NAALADL2: variants seen among roughly 807,000 people sequenced by gnomAD.
NAALADL2 encodes inactive N-acetylated-alpha-linked acidic dipeptidase-like protein 2.
In NAALADL2, 76 loss-of-function variants were observed where a neutral mutation model predicts 87.2. That is an observed-to-expected ratio of 0.87 (90% CI 0.72 to 1.05). The LOEUF (loss-of-function observed/expected upper bound fraction) is 1.05, where lower values mean the gene tolerates loss of function less well. Ranked by LOEUF, NAALADL2 falls within the 50% of genes least tolerant of loss-of-function variation. The pLI, the probability that NAALADL2 is intolerant of heterozygous loss-of-function variation, is 0.00. For missense variants in NAALADL2, 1,089 were observed against 945.8 expected (o/e 1.15, Z -1.99); for synonymous variants, 354 against 331.0 (o/e 1.07, Z -0.75).
chr3:175,299,080 T>C (rs1458111820), intron 4 of NAALADL2, among the ~76,000 whole-genome samples: 1 of 152,144 alleles, frequency 6.6e-6, no homozygotes, highest in African/African-American at 2.4e-5. Context: ...CAAATGGTTG[T>C]AGATGTGGTG....
chr3:175,662,881 A>C (rs1476615842), intron 11 of NAALADL2, among the ~76,000 whole-genome samples: 1 of 151,838 alleles, frequency 6.6e-6, no homozygotes, highest in African/African-American at 2.4e-5. Flanking sequence ...GTGTTGTTGA[A>C]TTCAATTTGC....
At chr3:175,031,781 T>C (rs1580115307) in intron 1 of NAALADL2, among the ~76,000 whole-genome samples, 2 of 152,160 alleles carry the variant, frequency 1.3e-5, no homozygotes. Context: ...CTGACATCTG[T>C]TATTTTTTAC....
chr3:174,733,938 G>C (rs900262241), intron 2 of NAALADL2, among the ~76,000 whole-genome samples: 1 of 152,108 alleles, frequency 6.6e-6, no homozygotes, highest in African/African-American at 2.4e-5. Context: ...GAGAGGCCTG[G>C]TGGGGGGTCC....
intron 1 of NAALADL2, among the ~76,000 whole-genome samples, chr3:174,967,134 G>A (rs16866448): frequency 0.021 from 3,249 of 152,094 alleles, 87 homozygotes; most frequent in East Asian, 0.15. Flanking sequence ...CTAATAAATC[G>A]GAATGCCTGA....
intron 2 of NAALADL2, among the ~76,000 whole-genome samples, chr3:175,185,985 T>C (rs1737275485): frequency 6.6e-6 from 1 of 152,006 alleles, no homozygotes; most frequent in South Asian, 2.1e-4. Context: ...AATTTCAGTA[T>C]CAAATTTTGG....
At chr3:175,786,956 T>C (rs529782291) in intron 13 of NAALADL2, among the ~76,000 whole-genome samples, 10 of 152,150 alleles carry the variant, frequency 6.6e-5, no homozygotes, top group African/African-American at 2.4e-4. Flanking sequence ...TGCAGGTCTG[T>C]TGGAATACCC....
chr3:174,486,699 C>T (rs536705388), intron 1 of NAALADL2, among the ~76,000 whole-genome samples: 1 of 152,130 alleles, frequency 6.6e-6, no homozygotes, highest in South Asian at 2.1e-4. Context: ...GACTTCTAAG[C>T]TCCTTACATG....
intron 3 of NAALADL2, among the ~76,000 whole-genome samples, chr3:174,839,915 A>G (rs937882722): frequency 1.3e-5 from 2 of 152,168 alleles, no homozygotes; most frequent in Non-Finnish European, 2.9e-5. Context: ...AATGTAAACT[A>G]GTACAATTAC....
chr3:174,576,849 G>A (rs573235403), intron 2 of NAALADL2, among the ~76,000 whole-genome samples: 1 of 152,170 alleles, frequency 6.6e-6, no homozygotes, highest in East Asian at 1.9e-4. Context: ...TATTATGACA[G>A]TCAATTGCAT....
intron 3 of NAALADL2, among the ~76,000 whole-genome samples, chr3:174,840,415 A>G (rs1723889801): frequency 6.6e-6 from 1 of 152,150 alleles, no homozygotes; most frequent in African/African-American, 2.4e-5. Flanking sequence ...TTTGCCCTCT[A>G]TAGTTTTTAA....
intron 4 of NAALADL2, among the ~76,000 whole-genome samples, chr3:175,321,659 GT>G (rs1266714519): frequency 2.0e-5 from 2 of 98,450 alleles, no homozygotes; most frequent in African/African-American, 9.4e-5. Context: ...CAAAATCAAT[GT>G]ACAAAAATCA....
intron 9 of NAALADL2, among the ~76,000 whole-genome samples, chr3:175,489,427 G>C (rs1005363405): frequency 6.6e-6 from 1 of 152,144 alleles, no homozygotes; most frequent in African/African-American, 2.4e-5. Flanking sequence ...ATTAGAAAGG[G>C]GAGGAAATGC....
chr3:174,539,190 G>A (rs1360667612), intron 1 of NAALADL2, among the ~76,000 whole-genome samples: 5 of 152,022 alleles, frequency 3.3e-5, no homozygotes, highest in Non-Finnish European at 7.4e-5. Context: ...TTCAGCAAAA[G>A]CAATAACCAG....
chr3:175,650,531 C>G (rs1193465494), intron 11 of NAALADL2, among the ~76,000 whole-genome samples: 1 of 152,106 alleles, frequency 6.6e-6, no homozygotes, highest in Non-Finnish European at 1.5e-5. Context: ...TACTAACACT[C>G]ACTCCTATAA....
At chr3:175,190,913 G>A (rs892583876) in intron 2 of NAALADL2, among the ~76,000 whole-genome samples, 60 of 149,784 alleles carry the variant, frequency 4.0e-4, no homozygotes, top group South Asian at 1.5e-3. Flanking sequence ...GGGAGGCGGA[G>A]CTTGCAGTGA....
At chr3:174,819,105 T>TGTCACTCA (rs1241167892) in intron 3 of NAALADL2, among the ~76,000 whole-genome samples, 3 of 138,586 alleles carry the variant, frequency 2.2e-5, no homozygotes, top group South Asian at 5.0e-4. Context: ...GATTTCCTTC[T>TGTCACTCA]GTCACTCAGT....
Position 175,704,320 on chromosome 3 carries a change from T to G in NAALADL2, c.1897-32986T>G, listed in dbSNP as rs191504249. Reference sequence around the variant, plus strand: ...AGTACAAACGTGGAAAGCCCTGGAATATATAATCTGTAATGTTTATTCCTA... The same window carrying G: ...AGTACAAACGTGGAAAGCCCTGGAAGATATAATCTGTAATGTTTATTCCTA... On this transcript the variant is annotated intron_variant, in intron 11 of 13. Coordinates refer to ENST00000454872, the MANE Select transcript of NAALADL2 (RefSeq NM_207015.3). Among the ~76,000 whole-genome samples the G allele has an allele frequency of 3.2e-3, 483 of 152,304 alleles. 3 individuals carry two copies. Among genetic ancestry groups the G allele is most frequent in the African/African-American group, 0.011 (465 of 41,564 alleles).
chr3:175,718,269 A>C (rs1249253723), intron 11 of NAALADL2: 1 of 1,298,042 alleles, frequency 7.7e-7, no homozygotes, highest in Non-Finnish European at 1.0e-6. Context: ...AGGGAGTTTC[A>C]TATTTTCTTT....
intron 2 of NAALADL2, among the ~76,000 whole-genome samples, chr3:174,722,214 T>C (rs1731773585): frequency 6.6e-6 from 1 of 152,310 alleles, no homozygotes; most frequent in Middle Eastern, 3.4e-3. Flanking sequence ...TAGTCCCAAC[T>C]CATGTTTGTC....
Sources: allele counts gnomAD v4.1 joint callset (sites outside exome capture counted in the v4.1 genomes callset), GRCh38; gene constraint gnomAD v4.1.1; transcripts MANE v1.5; gene names NCBI Gene and HGNC (gene_info 2026-07-23, HGNC 2026-07-21).